The following LGSN variants were observed in gnomAD, a reference collection of about 807,000 sequenced individuals.
LGSN encodes the protein lengsin, lens protein with glutamine synthetase domain.
LGSN carries 21 observed loss-of-function variants against 19.5 expected under a neutral mutation model. The ratio of observed to expected loss-of-function variants is 1.07; its 90% CI spans 0.76 to 1.55. The LOEUF (loss-of-function observed/expected upper bound fraction) is 1.55, where lower values mean the gene tolerates loss of function less well. LGSN is among the 40% of genes most tolerant of loss of function. The pLI is 0.00. For missense variants in LGSN, 673 were observed against 608.5 expected (o/e 1.11, Z -1.12); for synonymous variants, 257 against 215.6 (o/e 1.19, Z -1.68).
chr6:63,567,895 T>C, the LGSN span, among the ~76,000 whole-genome samples: 1 of 152,236 alleles, frequency 6.6e-6, no homozygotes, highest in Non-Finnish European at 1.5e-5. Flanking sequence ...CCTTTCATTT[T>C]TATGTTAGGG....
chr6:63,556,250 C>T, the LGSN span, among the ~76,000 whole-genome samples: 569 of 152,160 alleles, frequency 3.7e-3, 1 homozygote, highest in African/African-American at 8.7e-3. Context: ...GCTCTTCCTC[C>T]GAGGCTCCAG....
chr6:63,349,287 G>A, the LGSN span, among the ~76,000 whole-genome samples: 1,679 of 152,320 alleles, frequency 0.011, 20 homozygotes, highest in African/African-American at 0.037. Context: ...TAAATTGTGA[G>A]AGTATTAAGG....
chr6:63,355,446 T>C, the LGSN span, among the ~76,000 whole-genome samples: 1 of 152,182 alleles, frequency 6.6e-6, no homozygotes. Flanking sequence ...CCAGGTGGTG[T>C]ATTCATTTCT....
the LGSN span, among the ~76,000 whole-genome samples, chr6:63,499,593 C>T: frequency 2.6e-5 from 4 of 152,070 alleles, no homozygotes; most frequent in Non-Finnish European, 5.9e-5. Context: ...TTTCCTGCTT[C>T]AGGTGCATAA....
Position 63,285,785 on chromosome 6 carries a change from G to A in LGSN, c.164-32C>T, listed in dbSNP as rs370628828. The A allele has an allele frequency of 8.8e-6, 14 of 1,596,100 alleles. No homozygotes were observed. The Admixed American group carries it at 1.3e-4, about 15-fold the overall frequency. On this transcript the variant is annotated intron_variant, in intron 2 of 3. Transcript: ENST00000370657. ...AATAAAAAAATAGGTTCTAACTCAC[G>A]AGATCATGATGGACTGAGAAGCAAA... is the stretch of plus-strand genomic sequence containing the variant.
At chr6:63,509,128 G>A in the LGSN span, among the ~76,000 whole-genome samples, 5 of 149,938 alleles carry the variant, frequency 3.3e-5, no homozygotes, top group South Asian at 2.1e-4. Flanking sequence ...ACACTGGCAC[G>A]ATCTCAGCTC....
At chr6:63,557,372 C>T in the LGSN span, among the ~76,000 whole-genome samples, 1 of 152,050 alleles carries the variant, frequency 6.6e-6, no homozygotes, top group Non-Finnish European at 1.5e-5. Flanking sequence ...TTGAGACCAG[C>T]CTGGCCAACA....
At chr6:63,365,740 C>T in the LGSN span, among the ~76,000 whole-genome samples, 1 of 152,062 alleles carries the variant, frequency 6.6e-6, no homozygotes, top group South Asian at 2.1e-4. Flanking sequence ...TTATCCACCA[C>T]AATTAAGTTG....
At chr6:63,383,763 C>T in the LGSN span, among the ~76,000 whole-genome samples, 2 of 151,742 alleles carry the variant, frequency 1.3e-5, no homozygotes, top group Non-Finnish European at 2.9e-5. Flanking sequence ...TTATTTAATC[C>T]TCCAAATCTG....
chr6:63,368,621 A>T, the LGSN span, among the ~76,000 whole-genome samples: 1 of 152,302 alleles, frequency 6.6e-6, no homozygotes, highest in East Asian at 1.9e-4. Flanking sequence ...TTGCCACTGC[A>T]GTGTTCTTAC....
At chr6:63,542,033 GTGT>G in the LGSN span, among the ~76,000 whole-genome samples, 1 of 144,756 alleles carries the variant, frequency 6.9e-6, no homozygotes, top group African/African-American at 2.7e-5. Context: ...GTGTGTGTGT[GTGT>G]GTGTGTGTGT....
At chr6:63,290,682 A>G (rs1767729856) in intron 2 of LGSN, among the ~76,000 whole-genome samples, 1 of 152,198 alleles carries the variant, frequency 6.6e-6, no homozygotes, top group African/African-American at 2.4e-5. Context: ...TCTGTAAAGG[A>G]CCAGATAGTA....
At chr6:63,414,865 AGGTTATG>A in the LGSN span, among the ~76,000 whole-genome samples, 239 of 152,302 alleles carry the variant, frequency 1.6e-3, 1 homozygote, top group African/African-American at 5.3e-3. Context: ...CAGTGAGCCA[AGGTTATG>A]CCACTACACT....
the LGSN span, among the ~76,000 whole-genome samples, chr6:63,476,196 A>T: frequency 6.6e-6 from 1 of 152,184 alleles, no homozygotes; most frequent in Non-Finnish European, 1.5e-5. Context: ...CCTTGGTGAG[A>T]TAGTGCTACC....
At chr6:63,547,496 GAAT>G in the LGSN span, among the ~76,000 whole-genome samples, 1 of 147,606 alleles carries the variant, frequency 6.8e-6, no homozygotes, top group African/African-American at 2.5e-5. Flanking sequence ...GGCCAGGGGG[GAAT>G]TTTTTTTTTT....
At chr6:63,348,216 G>A in the LGSN span, among the ~76,000 whole-genome samples, 1 of 152,150 alleles carries the variant, frequency 6.6e-6, no homozygotes, top group African/African-American at 2.4e-5. Context: ...TGGACTGGGA[G>A]GCAGAAATGG....
chr6:63,309,979 C>T (rs1438075574), intron 1 of LGSN, among the ~76,000 whole-genome samples: 1 of 152,188 alleles, frequency 6.6e-6, no homozygotes, highest in Admixed American at 6.5e-5. Context: ...CCACAATTCT[C>T]CCTTCACCTT....
the LGSN span, among the ~76,000 whole-genome samples, chr6:63,472,648 T>C: frequency 6.6e-6 from 1 of 152,162 alleles, no homozygotes; most frequent in East Asian, 1.9e-4. Context: ...TTAAAAATTA[T>C]GCCCAATTCG....
At chr6:63,295,838 G>GA (rs1249625182) in intron 1 of LGSN, among the ~76,000 whole-genome samples, 2 of 151,718 alleles carry the variant, frequency 1.3e-5, no homozygotes, top group Admixed American at 1.3e-4. Flanking sequence ...AGCTGTCACT[G>GA]AAAAAAAATA....
Sources: gnomAD v4.1 joint callset for allele counts (sites outside exome capture counted in the v4.1 genomes callset) on GRCh38, gnomAD v4.1.1 for gene constraint, MANE v1.5 for transcripts, NCBI Gene and HGNC (gene_info 2026-07-23, HGNC 2026-07-21) for gene names.